Variants in SEPTIN7 observed in about 807,000 individuals in gnomAD.
The protein encoded by SEPTIN7 is septin 7, also known as septin-7.
A neutral mutation model predicts 63.3 loss-of-function variants in SEPTIN7; 10 were observed. The ratio of observed to expected loss-of-function variants is 0.16; its 90% CI spans 0.10 to 0.27. SEPTIN7 has a LOEUF of 0.27. Ranked by LOEUF, SEPTIN7 falls within the 10% of genes least tolerant of loss-of-function variation. The probability of loss-of-function intolerance (pLI) is 1.00; values close to 1 mark genes in which losing one functional copy is unlikely to be tolerated. For missense variants in SEPTIN7, 310 were observed against 521.0 expected (o/e 0.59, Z 3.94); for synonymous variants, 131 against 165.3 (o/e 0.79, Z 1.59).
At chr7:35,825,782 C>G (rs1783481360) in intron 1 of SEPTIN7, among the ~76,000 whole-genome samples, 1 of 152,068 alleles carries the variant, frequency 6.6e-6, no homozygotes, top group Non-Finnish European at 1.5e-5. Context: ...GATCTGAACT[C>G]TAAGTTCAGA....
chr7:35,867,647 G>C (rs926188495), intron 4 of SEPTIN7, among the ~76,000 whole-genome samples: 13 of 152,180 alleles, frequency 8.5e-5, no homozygotes, highest in Admixed American at 2.0e-4. Flanking sequence ...ACCACGCCTG[G>C]CCTGCATTTG....
chr7:35,860,789 T>C (rs2116131804), intron 3 of SEPTIN7, among the ~76,000 whole-genome samples: 1 of 152,346 alleles, frequency 6.6e-6, no homozygotes, highest in Non-Finnish European at 1.5e-5. Context: ...TCTTGGCTTT[T>C]GACAGTTTGA....
chr7:35,851,304 TA>T (rs1409665214), intron 3 of SEPTIN7, among the ~76,000 whole-genome samples: 3 of 152,140 alleles, frequency 2.0e-5, no homozygotes, highest in Non-Finnish European at 4.4e-5. Context: ...TGTTTTGTTT[TA>T]ATAAGGACAA....
chr7:35,838,335 TCCCTCCCTCCCTCCCTCCCTCCCTC>T (rs1784222145), intron 3 of SEPTIN7, among the ~76,000 whole-genome samples: 2 of 2,720 alleles, frequency 7.4e-4, no homozygotes, highest in Non-Finnish European at 1.3e-3. Context: ...CCTCCCTCCC[TCCCTCCCTCCCTCCCTCCCTCCCTC>T]CCTCCTCCCT....
intron 4 of SEPTIN7, among the ~76,000 whole-genome samples, chr7:35,864,684 T>C (rs544446872): frequency 1.3e-5 from 2 of 152,200 alleles, no homozygotes; most frequent in Non-Finnish European, 2.9e-5. Flanking sequence ...TTATAAATTA[T>C]ATGATTGATA....
downstream of SEPTIN7, among the ~76,000 whole-genome samples, chr7:35,911,555 G>A (rs1476360443): frequency 6.6e-6 from 1 of 152,212 alleles, no homozygotes; most frequent in Non-Finnish European, 1.5e-5. Context: ...GGGATGTTTA[G>A]CTTAAATTGC....
At chr7:35,861,401 C>T (rs953840996) in intron 3 of SEPTIN7, among the ~76,000 whole-genome samples, 1 of 152,190 alleles carries the variant, frequency 6.6e-6, no homozygotes, top group Non-Finnish European at 1.5e-5. Flanking sequence ...AGAGTCACCT[C>T]TCTTCAGTTG....
At chr7:35,883,092 A>G (rs1787000133) in intron 8 of SEPTIN7, among the ~76,000 whole-genome samples, 1 of 152,088 alleles carries the variant, frequency 6.6e-6, no homozygotes, top group Non-Finnish European at 1.5e-5. Flanking sequence ...TGAATTGATA[A>G]ATATGCTAAT....
downstream of SEPTIN7, chr7:35,907,159 G>A (rs1419689835): frequency 6.6e-6 from 1 of 152,232 alleles, no homozygotes; most frequent in African/African-American, 2.4e-5. Context: ...GATCTAGGCA[G>A]TATGTGGATA....
chr7:35,821,352 C>T lies in SEPTIN7; in HGVS notation c.62-10140C>T, dbSNP rs190138971. 1.7e-3 allele frequency among the ~76,000 whole-genome samples: 252 copies of T among 152,268 alleles called. 2 individuals are homozygous for T. The highest frequency in any genetic ancestry group is 5.8e-3 in the African/African-American group (243 of 41,558). On this transcript the variant is annotated intron_variant, in intron 1 of 13. Transcript: ENST00000350320. ...TCTGAAGTATTTACTCCACCAATTT[C>T]TTTGATGTTCTCCTGTGACAAGTGT...
chr7:35,828,793 C>G (rs1221590656), intron 1 of SEPTIN7, among the ~76,000 whole-genome samples: 2 of 151,476 alleles, frequency 1.3e-5, no homozygotes, highest in African/African-American at 4.9e-5. Flanking sequence ...AAATTTCTCA[C>G]TCTGTTGTCC....
intron 10 of SEPTIN7, among the ~76,000 whole-genome samples, chr7:35,887,767 G>A (rs1329078593): frequency 6.6e-6 from 1 of 152,180 alleles, no homozygotes; most frequent in Non-Finnish European, 1.5e-5. Context: ...ATACAGCAGA[G>A]CAGCAAGACT....
chr7:35,838,343 T>C (rs1343972228), intron 3 of SEPTIN7, among the ~76,000 whole-genome samples: 1 of 4,018 alleles, frequency 2.5e-4, no homozygotes, highest in Non-Finnish European at 4.1e-4. Flanking sequence ...CCTCCCTCCC[T>C]CCCTCCCTCC....
intron 10 of SEPTIN7, among the ~76,000 whole-genome samples, chr7:35,886,353 GTGTC>G (rs993364389): frequency 8.5e-5 from 13 of 152,286 alleles, no homozygotes; most frequent in African/African-American, 3.1e-4. Flanking sequence ...TCCCTAAATT[GTGTC>G]TTACACACCT....
chr7:35,914,792 TTCTC>T, the SEPTIN7 span, among the ~76,000 whole-genome samples: 2 of 151,922 alleles, frequency 1.3e-5, no homozygotes, highest in African/African-American at 2.4e-5. Context: ...CTCTCTTTCA[TTCTC>T]TCTCTATATA....
chr7:35,832,663 A>G lies in SEPTIN7; in HGVS notation c.67-135A>G, dbSNP rs758396628. 8 of 675,026 alleles carry G rather than the reference A, an allele frequency of 1.2e-5. No homozygotes were observed. In the South Asian group the frequency reaches 1.2e-4, roughly 11 times the overall value. The allele number at this position is 675,026 out of a possible 1,614,324, so 41.8% of individuals were successfully genotyped here. ...TTTAAGAATTGATAGTTTTATTGATAATGCCATGAAAGTAGTTTGATTTGC... is the reference window on the plus strand; with the variant it reads ...TTTAAGAATTGATAGTTTTATTGATGATGCCATGAAAGTAGTTTGATTTGC... On this transcript the variant is annotated intron_variant, in intron 2 of 13. Transcript: ENST00000350320.
At chr7:35,846,643 A>C (rs1583554747) in intron 3 of SEPTIN7, 1 of 152,362 alleles carries the variant, frequency 6.6e-6, no homozygotes, top group South Asian at 2.1e-4. Flanking sequence ...GTATTACCCC[A>C]CCCCCAAGCC....
intron 1 of SEPTIN7, among the ~76,000 whole-genome samples, chr7:35,807,206 C>T (rs1245300246): frequency 6.8e-6 from 1 of 147,018 alleles, no homozygotes; most frequent in Non-Finnish European, 1.5e-5. Flanking sequence ...TTTTTTGAAA[C>T]GGAGTTTCGC....
rs369243241 is a variant in SEPTIN7, at chr7:35,801,229, C to A, written c.20C>A (p.Ser7Tyr). Residue 7 changes from serine (S) to tyrosine (Y), a missense_variant, in exon 1 of 14, where the codon TCC becomes TAC. Ser to Tyr is a moderately radical substitution (Grantham distance 144). This residue lies in a region of SEPTIN7 where 55 missense variants were observed against 30.5 expected (regional missense o/e 1.80). Coordinates refer to ENST00000350320, the MANE Select transcript of SEPTIN7 (RefSeq NM_001788.6). ...GAGGGGATGTCGGTCAGTGCGAGAT[C>A]CGCTGCTGCTGAGGAGAGGAGCGTC... Reference protein sequence around the residue: MSVSARSAAAEERSVNS... With the variant: MSVSARYAAAEERSVNS... 3 of 1,533,796 alleles carry A rather than the reference C, an allele frequency of 2.0e-6. No homozygotes were observed. Among genetic ancestry groups the A allele is most frequent in the East Asian group, 2.6e-5 (1 of 38,050 alleles).
Sources: allele counts gnomAD v4.1 joint callset (sites outside exome capture counted in the v4.1 genomes callset), GRCh38; gene constraint gnomAD v4.1.1; regional missense constraint gnomAD v4.1.1; transcripts MANE v1.5; gene names NCBI Gene and HGNC (gene_info 2026-07-23, HGNC 2026-07-21).